Variants in WDR7 observed in about 807,000 individuals in gnomAD.
The protein encoded by WDR7 is WD repeat domain 7.
Under a neutral mutation model 169.4 loss-of-function variants are expected in WDR7, and 46 were observed. The observed-to-expected ratio is 0.27, with a 90% CI of 0.21 to 0.35. The LOEUF (loss-of-function observed/expected upper bound fraction) is 0.35. WDR7 is among the 10% of genes least tolerant of loss of function. The pLI is 1.00. For missense variants in WDR7, 1,534 were observed against 1,859.3 expected (o/e 0.83, Z 3.22); for synonymous variants, 612 against 666.8 (o/e 0.92, Z 1.27).
At chr18:56,958,485 A>G (rs1006162787) in intron 25 of WDR7, among the ~76,000 whole-genome samples, 3 of 152,112 alleles carry the variant, frequency 2.0e-5, no homozygotes, top group African/African-American at 7.2e-5. Context: ...GACAACATTT[A>G]TATTGAAAAT....
chr18:56,979,097 A>G (rs1477608784), intron 26 of WDR7, among the ~76,000 whole-genome samples: 1 of 152,182 alleles, frequency 6.6e-6, no homozygotes, highest in East Asian at 1.9e-4. Context: ...AGAAAGGTTT[A>G]CAGGGGGAAA....
At chr18:56,970,435 G>A (rs1026310820) in intron 26 of WDR7, among the ~76,000 whole-genome samples, 7 of 152,078 alleles carry the variant, frequency 4.6e-5, no homozygotes, top group African/African-American at 1.4e-4. Flanking sequence ...TTAAAAAAAT[G>A]TATTATAAAA....
At chr18:56,761,995 G>A (rs2043987318) in intron 16 of WDR7, among the ~76,000 whole-genome samples, 1 of 151,936 alleles carries the variant, frequency 6.6e-6, no homozygotes, top group South Asian at 2.1e-4. Flanking sequence ...ATATGCTTTT[G>A]TAGATGTTAA....
chr18:56,700,259 T>TTC (rs1568145288), intron 12 of WDR7, among the ~76,000 whole-genome samples: 1 of 124,378 alleles, frequency 8.0e-6, no homozygotes, highest in South Asian at 3.0e-4. Flanking sequence ...TTTCTTTTTT[T>TTC]TTTTTTTTTT....
chr18:56,841,134 A>G (rs757788525), intron 20 of WDR7, among the ~76,000 whole-genome samples: 1 of 152,128 alleles, frequency 6.6e-6, no homozygotes, highest in Non-Finnish European at 1.5e-5. Flanking sequence ...TAAACGTTAC[A>G]GTGAGCTGAG....
In WDR7 at chr18:56,940,293, A is replaced by G. The variant is rs1169546581; in HGVS notation, c.4064+900A>G. On this transcript the variant is annotated intron_variant, in intron 25 of 27. Transcript: ENST00000254442. ...TTAGACTACAGCTTTCCTGAGAGCA[A>G]TGGCATTACCTGCTATGCAAATGTA... 2.0e-5 allele frequency among the ~76,000 whole-genome samples: 3 copies of G among 152,316 alleles called. No homozygotes were observed. The East Asian group carries it at 5.8e-4, about 29-fold the overall frequency.
intron 19 of WDR7, among the ~76,000 whole-genome samples, chr18:56,792,900 G>A (rs886994996): frequency 1.3e-5 from 2 of 151,980 alleles, no homozygotes; most frequent in African/African-American, 4.8e-5. Flanking sequence ...GTTGTCATGC[G>A]GGACAACTTT....
At chr18:56,846,243 G>A (rs2045566160) in intron 20 of WDR7, among the ~76,000 whole-genome samples, 1 of 152,122 alleles carries the variant, frequency 6.6e-6, no homozygotes, top group Admixed American at 6.5e-5. Flanking sequence ...TTTGGGTCAT[G>A]GGGATGGATC....
At chr18:56,792,650 A>T (rs1382290744) in intron 19 of WDR7, among the ~76,000 whole-genome samples, 5 of 110,498 alleles carry the variant, frequency 4.5e-5, no homozygotes, top group Non-Finnish European at 9.5e-5. Context: ...CATTTCTTGT[A>T]CAATGAAACC....
At chr18:56,930,509 G>A (rs1019859358) in intron 22 of WDR7, among the ~76,000 whole-genome samples, 2 of 152,146 alleles carry the variant, frequency 1.3e-5, no homozygotes, top group African/African-American at 2.4e-5. Flanking sequence ...TTAGCATACA[G>A]GAAATAGATC....
Position 56,923,930 on chromosome 18 carries a change from C to G in WDR7, c.3535C>G (p.Leu1179Val). The change falls in exon 22 of 28, where the codon CTG (leucine) becomes GTG (valine). Residue 1179 changes from leucine (L) to valine (V), a missense_variant. Transcript: ENST00000254442. ...YSLARHTCKA[L>V]TFLLLQPPSP... Reference sequence around the variant, plus strand: ...TTATTCTATAATTTCAGGCAAGGCACTGACGTTTCTTCTGCTACAGCCTCC... The same window carrying G: ...TTATTCTATAATTTCAGGCAAGGCAGTGACGTTTCTTCTGCTACAGCCTCC... 6.4e-7 allele frequency: 1 copy of G among 1,555,072 alleles called. No homozygotes were observed. Among genetic ancestry groups the G allele is most frequent in the Non-Finnish European group, 8.7e-7 (1 of 1,155,712 alleles).
At chr18:56,692,462 GT>G (rs1170836466) in intron 9 of WDR7, among the ~76,000 whole-genome samples, 2 of 105,768 alleles carry the variant, frequency 1.9e-5, no homozygotes. Flanking sequence ...TTTAATTGAT[GT>G]TCTAGGTTTC....
chr18:56,736,551 T>C (rs1330491137), intron 14 of WDR7, among the ~76,000 whole-genome samples: 1 of 150,624 alleles, frequency 6.6e-6, no homozygotes, highest in Non-Finnish European at 1.5e-5. Context: ...GAAAGAGAAA[T>C]CATACAGACG....
chr18:56,735,648 A>T (rs1315181032), intron 14 of WDR7, among the ~76,000 whole-genome samples: 2 of 152,140 alleles, frequency 1.3e-5, no homozygotes, highest in African/African-American at 4.8e-5. Context: ...TTAGCAACTG[A>T]TGCACCTAAA....
chr18:56,653,008 A>G (rs182356998), intron 1 of WDR7, among the ~76,000 whole-genome samples: 3 of 152,286 alleles, frequency 2.0e-5, no homozygotes, highest in Admixed American at 2.0e-4. Flanking sequence ...CACACTTAGC[A>G]TCGAAAATCT....
At chr18:56,781,511 A>C (rs1382525352) in intron 18 of WDR7, 22 bp from the exon 19 acceptor site, 1 of 1,560,348 alleles carries the variant, frequency 6.4e-7, no homozygotes, top group South Asian at 1.2e-5. Flanking sequence ...TTCTGCTTTT[A>C]CATTTGGGTC....
At chr18:56,817,582 A>G (rs1011515238) in intron 20 of WDR7, among the ~76,000 whole-genome samples, 3 of 152,044 alleles carry the variant, frequency 2.0e-5, no homozygotes, top group African/African-American at 7.2e-5. Context: ...GATGGTGGCT[A>G]TTACTTTTAA....
intron 19 of WDR7, among the ~76,000 whole-genome samples, chr18:56,814,849 A>T (rs1348297302): frequency 6.6e-6 from 1 of 152,142 alleles, no homozygotes; most frequent in African/African-American, 2.4e-5. Flanking sequence ...GTCATTTTTT[A>T]TTCATCAGGG....
intron 22 of WDR7, among the ~76,000 whole-genome samples, chr18:56,931,588 G>A (rs1163554380): frequency 6.6e-6 from 1 of 152,194 alleles, no homozygotes; most frequent in Non-Finnish European, 1.5e-5. Context: ...TGTCAGGCAT[G>A]TTTCAAATCT....
Sources: gnomAD v4.1 joint callset for allele counts (sites outside exome capture counted in the v4.1 genomes callset) on GRCh38, gnomAD v4.1.1 for gene constraint, MANE v1.5 for transcripts, NCBI Gene and HGNC (gene_info 2026-07-23, HGNC 2026-07-21) for gene names.